Variants in POLR1A observed in about 807,000 individuals in gnomAD.
The protein encoded by POLR1A is RNA polymerase I subunit A.
A neutral mutation model predicts 205.3 loss-of-function variants in POLR1A; 84 were observed. That is an observed-to-expected ratio of 0.41 (90% CI 0.34 to 0.49). The LOEUF (loss-of-function observed/expected upper bound fraction) is 0.49, where lower values mean the gene tolerates loss of function less well. POLR1A is among the 20% of genes least tolerant of loss of function. POLR1A has a pLI of 0.22. For synonymous variants in POLR1A, 799 were observed against 863.7 expected (o/e 0.93, Z 1.31); for missense variants, 1,645 against 2,204.5 (o/e 0.75, Z 5.08).
intron 6 of POLR1A, 127 bp from the exon 7 acceptor site, chr2:86,083,295 T>C: frequency 1.4e-6 from 1 of 697,128 alleles, no homozygotes; most frequent in Non-Finnish European, 2.6e-6. Context: ...AAGGGTAGCA[T>C]ATTATCAGGC....
intron 3 of POLR1A, among the ~76,000 whole-genome samples, chr2:86,097,460 T>C (rs865943479): frequency 6.6e-6 from 1 of 152,184 alleles, no homozygotes; most frequent in Non-Finnish European, 1.5e-5. Context: ...ATTGCAGCAC[T>C]ATTCACAATA....
chr2:86,088,701 G>GA (rs763644237), intron 5 of POLR1A, 32 bp from the exon 6 acceptor site: 22 of 1,604,060 alleles, frequency 1.4e-5, no homozygotes, highest in South Asian at 1.1e-5. Flanking sequence ...ATTGAAGAGA[G>GA]AAAAAACCCA....
At position 86,088,637 on chromosome 2, in the gene POLR1A, T is replaced by C. The variant is rs757555256; in HGVS notation, c.659A>G (p.Asn220Ser). 1.9e-6 allele frequency: 3 copies of C among 1,613,962 alleles called. No individual in the cohort carries two copies. Among genetic ancestry groups the C allele is most frequent in the African/African-American group, 1.3e-5 (1 of 74,940 alleles). ...TGRSVVRKEHNSKLTITFPAM... is the reference protein window; with the variant it reads ...TGRSVVRKEHSSKLTITFPAM... ...TGGAAACGTGATAGTCAACTTGCTG[T>C]TGTGTTCCTTTCGGACAACGGATCG... Residue 220 changes from asparagine to serine, a missense_variant, in exon 6 of 34, where the codon AAC becomes AGC. Asn to Ser is a conservative substitution (Grantham distance 46). Around this residue, in one of 16 missense-constraint regions of POLR1A, gnomAD observed 330 missense variants for 375.6 expected, o/e 0.88. Transcript: ENST00000263857.
At chr2:86,034,243 G>C (rs914921941) in intron 27 of POLR1A, among the ~76,000 whole-genome samples, 1 of 152,168 alleles carries the variant, frequency 6.6e-6, no homozygotes, top group Non-Finnish European at 1.5e-5. Context: ...TCTACTGTAG[G>C]AGAGGGGAAC....
intron 9 of POLR1A, 101 bp downstream of exon 9, chr2:86,080,715 A>G: frequency 8.5e-7 from 1 of 1,178,282 alleles, no homozygotes; most frequent in Non-Finnish European, 1.2e-6. Flanking sequence ...TGCACAGAAC[A>G]TCCCAGGAAG....
chr2:86,071,167 G>A (rs1673171614), intron 12 of POLR1A, among the ~76,000 whole-genome samples: 1 of 126,960 alleles, frequency 7.9e-6, no homozygotes, highest in Admixed American at 9.1e-5. Flanking sequence ...GGTGGCATGT[G>A]ACATGATGAA....
intron 24 of POLR1A, among the ~76,000 whole-genome samples, chr2:86,041,185 GTGTGTGCGCGCTGAGCTACAGTGTC>G: frequency 1.8e-5 from 1 of 54,066 alleles, no homozygotes; most frequent in Admixed American, 1.5e-4. Context: ...GTGTGTGTGT[GTGTGTGCGCGCTGAGCTACAGTGTC>G]TGTGTGTGTG....
intron 14 of POLR1A, among the ~76,000 whole-genome samples, chr2:86,063,774 T>C (rs571916496): frequency 6.6e-6 from 1 of 152,330 alleles, no homozygotes; most frequent in Admixed American, 6.5e-5. Context: ...TTAGAGATCA[T>C]GAACTTGAAG....
intron 9 of POLR1A, among the ~76,000 whole-genome samples, chr2:86,080,529 C>T (rs574774801): frequency 1.3e-5 from 2 of 152,258 alleles, no homozygotes; most frequent in Admixed American, 6.5e-5. Context: ...AAATCACATG[C>T]ACTTTATAGC....
At chr2:86,094,875 G>C (rs561712342) in intron 3 of POLR1A, among the ~76,000 whole-genome samples, 1 of 152,122 alleles carries the variant, frequency 6.6e-6, no homozygotes, top group African/African-American at 2.4e-5. Flanking sequence ...CCCAAATTGG[G>C]CTCAAGCTCC....
chr2:86,083,992 AGT>A (rs914664219), intron 6 of POLR1A, among the ~76,000 whole-genome samples: 3 of 152,130 alleles, frequency 2.0e-5, no homozygotes, highest in African/African-American at 7.2e-5. Context: ...ACAAGTAAGT[AGT>A]GTGTCTTTCA....
intron 2 of POLR1A, 75 bp from the exon 3 acceptor site, chr2:86,098,835 C>A: frequency 7.0e-7 from 1 of 1,428,934 alleles, no homozygotes; most frequent in South Asian, 1.2e-5. Context: ...GGTATACTCA[C>A]AAGTTTCTTT....
At position 86,105,859 on chromosome 2, in the gene POLR1A, G is replaced by A. The variant is rs1414459639; in HGVS notation, c.-83C>T. On this transcript the variant is annotated 5_prime_UTR_variant, in exon 1 of 34. Transcript: ENST00000263857. ...TATTCTTAATTCAACCTCAAGCCCG[G>A]AGTCACCACGCGATTCAACGTGCGC... 10 of 1,258,738 alleles carry A rather than the reference G, an allele frequency of 7.9e-6. No individual in the cohort carries two copies. Among genetic ancestry groups the A allele is most frequent in the Non-Finnish European group, 1.1e-5 (10 of 873,662 alleles). The allele number at this position is 1,258,738 out of a possible 1,614,324, so 78.0% of individuals were successfully genotyped here. A position where few individuals can be genotyped will look rare whatever the true frequency, so the allele number is the denominator to read the frequency against.
At chr2:86,102,842 T>C (rs1013612929) in intron 1 of POLR1A, among the ~76,000 whole-genome samples, 2 of 152,212 alleles carry the variant, frequency 1.3e-5, no homozygotes, top group African/African-American at 4.8e-5. Flanking sequence ...TGCCACTTCC[T>C]AGAGAGACAT....
intron 6 of POLR1A, among the ~76,000 whole-genome samples, chr2:86,086,448 T>C (rs570328036): frequency 6.6e-6 from 1 of 152,224 alleles, no homozygotes; most frequent in Non-Finnish European, 1.5e-5. Flanking sequence ...CTGAGGCTGC[T>C]CACTTTCCTC....
At chr2:86,045,455 C>A in intron 20 of POLR1A, 95 bp from the exon 21 acceptor site, 1 of 1,241,768 alleles carries the variant, frequency 8.1e-7, no homozygotes, top group South Asian at 1.2e-5. Context: ...CTTTCCTGAC[C>A]AGACAGGCCA....
Position 86,028,783 on chromosome 2 carries a change from C to A in POLR1A, c.4780-72G>T. The A allele has an allele frequency of 1.8e-6, 2 of 1,084,952 alleles. No individual in the cohort carries two copies. Among genetic ancestry groups the A allele is most frequent in the Admixed American group, 3.8e-5 (2 of 53,092 alleles). 67.2% of individuals were successfully genotyped at this position (1,084,952 alleles called of 1,614,324 possible). A position where few individuals can be genotyped will look rare whatever the true frequency, so the allele number is the denominator to read the frequency against. ...CTCCCTTCTGCCTGCGTATCTCCCCCTGGCCGCTCTCTCTCTCCTTGTGTC... is the reference window on the plus strand; with the variant it reads ...CTCCCTTCTGCCTGCGTATCTCCCCATGGCCGCTCTCTCTCTCCTTGTGTC... On this transcript the variant is annotated intron_variant, in intron 31 of 33. Transcript: ENST00000263857. The surrounding 1 kb of genome is among the most constrained non-coding windows in gnomAD (Gnocchi z 4.5).
chr2:86,075,350 A>C, intron 11 of POLR1A, 90 bp from the exon 12 acceptor site: 1 of 923,352 alleles, frequency 1.1e-6, no homozygotes, highest in Non-Finnish European at 1.7e-6. Flanking sequence ...CTGTCTTTTC[A>C]CCCAAGATGT....
rs544368446 is a variant in POLR1A at position 86,100,320 on chromosome 2, C to T, written c.78-148G>A. 1.1e-5 allele frequency: 7 copies of T among 647,718 alleles called. No individual in the cohort carries two copies. In the East Asian group the frequency reaches 1.6e-4, roughly 15 times the overall value. The allele number at this position is 647,718 out of a possible 1,614,324, so 40.1% of individuals were successfully genotyped here. ...AATCTGTCTTTCTCACTAGTGTACC[C>T]CAACACTAAGTGCAGAGTTGGTACC... is the stretch of plus-strand genomic sequence containing the variant. On this transcript the variant is annotated intron_variant, in intron 1 of 33. Coordinates refer to ENST00000263857, the MANE Select transcript of POLR1A (RefSeq NM_015425.6).
Sources: allele counts gnomAD v4.1 joint callset (sites outside exome capture counted in the v4.1 genomes callset), GRCh38; gene constraint gnomAD v4.1.1; regional missense constraint gnomAD v4.1.1; non-coding constraint Gnocchi (gnomAD v3.1); transcripts MANE v1.5; gene names NCBI Gene and HGNC (gene_info 2026-07-23, HGNC 2026-07-21).